FAM227B: variants seen among roughly 807,000 people sequenced by gnomAD.
FAM227B encodes protein FAM227B.
A neutral mutation model predicts 73.8 loss-of-function variants in FAM227B; 88 were observed. The ratio of observed to expected loss-of-function variants is 1.19; its 90% CI spans 1.00 to 1.42. The LOEUF (loss-of-function observed/expected upper bound fraction) is 1.42. FAM227B is among the 40% of genes most tolerant of loss of function. The pLI is 0.00. For missense variants in FAM227B, 632 were observed against 590.9 expected, an observed-to-expected ratio of 1.07 and a Z score of -0.72; for synonymous variants, 210 against 190.5, an observed-to-expected ratio of 1.10 and a Z score of -0.84.
At chr15:49,422,514 G>T in intron 11 of FAM227B, 1 of 1,281,362 alleles carries the variant, frequency 7.8e-7, no homozygotes, top group Non-Finnish European at 9.9e-7. Context: ...GCTTTTAAAA[G>T]TAGGTGCCCT....
At chr15:49,445,982 A>T (rs2052166544) in intron 11 of FAM227B, among the ~76,000 whole-genome samples, 1 of 151,552 alleles carries the variant, frequency 6.6e-6, no homozygotes, top group Admixed American at 6.6e-5. Flanking sequence ...ATTTTATATA[A>T]ATTCATGAAT....
chr15:49,616,815 T>C (rs2078318588), intron 1 of FAM227B, among the ~76,000 whole-genome samples: 1 of 151,900 alleles, frequency 6.6e-6, no homozygotes. Flanking sequence ...TATTTTGATA[T>C]AAATATTTAT....
chr15:49,555,714 A>AT (rs1261694788), intron 9 of FAM227B, among the ~76,000 whole-genome samples: 1 of 152,124 alleles, frequency 6.6e-6, no homozygotes, highest in Non-Finnish European at 1.5e-5. Context: ...ACATAATCCC[A>AT]TATCTCTAGA....
intron 10 of FAM227B, among the ~76,000 whole-genome samples, chr15:49,512,122 C>T (rs375257899): frequency 8.6e-5 from 13 of 151,716 alleles, no homozygotes; most frequent in Non-Finnish European, 1.5e-4. Context: ...TAGTTACACA[C>T]GTAGGCACAT....
chr15:49,465,945 A>G (rs2054230890), intron 11 of FAM227B, among the ~76,000 whole-genome samples: 1 of 152,180 alleles, frequency 6.6e-6, no homozygotes, highest in African/African-American at 2.4e-5. Flanking sequence ...CCCTGTACCA[A>G]GTACTGGGGG....
chr15:49,469,471 C>T (rs1156349364), intron 11 of FAM227B, among the ~76,000 whole-genome samples: 1 of 152,096 alleles, frequency 6.6e-6, no homozygotes, highest in African/African-American at 2.4e-5. Flanking sequence ...ACCAACAAAT[C>T]ACTTGGCTTT....
intron 11 of FAM227B, chr15:49,484,216 C>A (rs1208325573): frequency 9.2e-5 from 78 of 846,158 alleles, no homozygotes; most frequent in Non-Finnish European, 1.2e-4. Flanking sequence ...GTGTATGTTT[C>A]AATTCTACCA....
chr15:49,536,511 A>T (rs2070291886), intron 10 of FAM227B, among the ~76,000 whole-genome samples: 1 of 152,050 alleles, frequency 6.6e-6, no homozygotes, highest in East Asian at 1.9e-4. Context: ...CAATGTCAAC[A>T]CAATCTCTAA....
chr15:49,563,974 A>G (rs1278593703), intron 9 of FAM227B, among the ~76,000 whole-genome samples: 2 of 152,194 alleles, frequency 1.3e-5, no homozygotes, highest in Non-Finnish European at 2.9e-5. Flanking sequence ...CAACAAAAAT[A>G]GAAATTGACA....
In FAM227B at chr15:49,588,078, A is replaced by G. The variant is rs1171612738; in HGVS notation, c.343T>C (p.Tyr115His). ...TCCCCATATCGTTCCAATTTTCTAT[A>G]AGAACCTTTAAGAAAATAAGAATTC... ...WKSMISETSS[Y>H]RKLERYGEFL... The change falls in exon 5 of 16, where the codon TAT becomes CAT. Residue 115 changes from tyrosine to histidine, a missense_variant. Transcript: ENST00000299338. The G allele has an allele frequency of 7.2e-7, 1 of 1,397,224 alleles. No homozygotes were observed. The highest frequency in any genetic ancestry group is 9.6e-7 in the Non-Finnish European group (1 of 1,045,572). The allele number at this position is 1,397,224 out of a possible 1,614,324, so 86.6% of individuals were successfully genotyped here. A position where few individuals can be genotyped will look rare whatever the true frequency, so the allele number is the denominator to read the frequency against.
chr15:49,332,378 G>A (rs1332757173), intron 14 of FAM227B, among the ~76,000 whole-genome samples: 1 of 152,212 alleles, frequency 6.6e-6, no homozygotes, highest in African/African-American at 2.4e-5. Flanking sequence ...GATGGAAAAG[G>A]CCAGTGGGTG....
intron 3 of FAM227B, among the ~76,000 whole-genome samples, chr15:49,600,123 C>T (rs1420242186): frequency 6.6e-6 from 1 of 152,060 alleles, no homozygotes; most frequent in Non-Finnish European, 1.5e-5. Context: ...AATTGTTAGA[C>T]ACTCTTTGCA....
chr15:49,522,725 A>G (rs369765988), intron 10 of FAM227B, among the ~76,000 whole-genome samples: 13 of 152,200 alleles, frequency 8.5e-5, no homozygotes, highest in African/African-American at 3.1e-4. Context: ...TAACTCAGTC[A>G]TACAAAAATT....
At chr15:49,496,795 T>C (rs2057652793) in intron 11 of FAM227B, among the ~76,000 whole-genome samples, 1 of 152,198 alleles carries the variant, frequency 6.6e-6, no homozygotes, top group South Asian at 2.1e-4. Context: ...ATATATGGAA[T>C]ACAGAATATT....
At chr15:49,543,985 T>G (rs1472280191) in intron 9 of FAM227B, among the ~76,000 whole-genome samples, 4 of 152,188 alleles carry the variant, frequency 2.6e-5, no homozygotes, top group Non-Finnish European at 5.9e-5. Flanking sequence ...TTGTGGGATT[T>G]TTGGTTCCAT....
At chr15:49,486,974 T>G (rs545851654) in intron 11 of FAM227B, 1 of 152,052 alleles carries the variant, frequency 6.6e-6, no homozygotes, top group Admixed American at 6.6e-5. Context: ...TATACAGCTG[T>G]CACAAGAGTC....
chr15:49,389,438 A>G (rs779143445), intron 11 of FAM227B, among the ~76,000 whole-genome samples: 1 of 152,010 alleles, frequency 6.6e-6, no homozygotes, highest in African/African-American at 2.4e-5. Flanking sequence ...AGCTACCAGT[A>G]TGCAAAGGCA....
chr15:49,390,424 A>C (rs1339988554), intron 11 of FAM227B, among the ~76,000 whole-genome samples: 1 of 151,968 alleles, frequency 6.6e-6, no homozygotes, highest in African/African-American at 2.4e-5. Flanking sequence ...AAAAAATACT[A>C]TTTGTTCTTA....
intron 13 of FAM227B, among the ~76,000 whole-genome samples, chr15:49,346,890 T>C (rs1334114757): frequency 2.0e-5 from 3 of 152,246 alleles, no homozygotes; most frequent in Non-Finnish European, 4.4e-5. Flanking sequence ...AGAGCAGTTA[T>C]ATTCTGTTTA....
Sources: gnomAD v4.1 joint callset for allele counts (sites outside exome capture counted in the v4.1 genomes callset) on GRCh38, gnomAD v4.1.1 for gene constraint, MANE v1.5 for transcripts, NCBI Gene and HGNC (gene_info 2026-07-23, HGNC 2026-07-21) for gene names.